The following LY96 variants were observed in gnomAD, a reference collection of about 807,000 sequenced individuals.
LY96 encodes the protein lymphocyte antigen 96.
Under a neutral mutation model 18.9 loss-of-function variants are expected in LY96, and 18 were observed. The observed-to-expected ratio is 0.95, with a 90% CI of 0.66 to 1.41. The LOEUF (loss-of-function observed/expected upper bound fraction) is 1.41. LY96 is among the 40% of genes most tolerant of loss of function. LY96 has a pLI of 0.00. For missense variants in LY96, 175 were observed against 182.4 expected, an observed-to-expected ratio of 0.96 and a Z score of 0.23; for synonymous variants, 66 against 62.6, an observed-to-expected ratio of 1.06 and a Z score of -0.26.
At chr8:74,023,602 T>A (rs1248741578) in intron 3 of LY96, among the ~76,000 whole-genome samples, 1 of 152,094 alleles carries the variant, frequency 6.6e-6, no homozygotes, top group Non-Finnish European at 1.5e-5. Context: ...GTTTCTGCAC[T>A]CACCTATGCT....
chr8:74,088,620 C>G, the LY96 span, among the ~76,000 whole-genome samples: 1 of 152,168 alleles, frequency 6.6e-6, no homozygotes, highest in African/African-American at 2.4e-5. Flanking sequence ...GAGTCTCACT[C>G]TGTCGTTCAG....
chr8:74,024,721 TATCTTTATCCTTACTGC>T (rs1352925844), intron 3 of LY96, among the ~76,000 whole-genome samples: 9 of 152,218 alleles, frequency 5.9e-5, no homozygotes, highest in African/African-American at 2.2e-4. Flanking sequence ...ACAAAGATGT[TATCTTTATCCTTACTGC>T]ATCTTTCTCA....
chr8:74,079,993 A>G, the LY96 span, among the ~76,000 whole-genome samples: 4 of 152,194 alleles, frequency 2.6e-5, no homozygotes, highest in Non-Finnish European at 5.9e-5. Flanking sequence ...GAATAAAAGG[A>G]AAAAGTAAGG....
the LY96 span, among the ~76,000 whole-genome samples, chr8:74,082,011 C>T: frequency 6.6e-6 from 1 of 152,190 alleles, no homozygotes; most frequent in South Asian, 2.1e-4. Context: ...CTTTACTCTT[C>T]CCTGGCCATT....
intron 3 of LY96, among the ~76,000 whole-genome samples, chr8:74,010,681 A>T (rs1017574675): frequency 1.6e-4 from 23 of 146,430 alleles, no homozygotes; most frequent in African/African-American, 5.3e-4. Context: ...AATGTATGTT[A>T]AAAAAAAAAG....
chr8:74,085,351 T>G, the LY96 span, among the ~76,000 whole-genome samples: 32 of 152,190 alleles, frequency 2.1e-4, no homozygotes, highest in Middle Eastern at 3.2e-3. Context: ...CTTTTCTGCC[T>G]TCTTGGTATA....
chr8:74,074,879 T>C, the LY96 span, among the ~76,000 whole-genome samples: 1 of 152,378 alleles, frequency 6.6e-6, no homozygotes, highest in South Asian at 2.1e-4. Context: ...TTTTGAATGT[T>C]TTAAGACTTG....
intron 1 of LY96, among the ~76,000 whole-genome samples, chr8:73,998,125 G>A (rs1025301362): frequency 3.9e-5 from 6 of 152,072 alleles, no homozygotes; most frequent in African/African-American, 1.4e-4. Context: ...CCCACCAAAA[G>A]TTACCATTAG....
In LY96 at chr8:74,002,093, T is replaced by TTCTTTCTTTCTCTC. The variant is rs1563710943; in HGVS notation, c.113-2700_113-2699insTTCTTTCTCTCTCT. On this transcript the variant is annotated intron_variant, in intron 1 of 4. Transcript: ENST00000284818. ...TTCCTTCCTTTCTTTCTTTCTTTCT[T>TTCTTTCTTTCTCTC]TCTCTCTCTCTCTCTCTCTCTCTCT... is the stretch of plus-strand genomic sequence containing the variant. Among the ~76,000 whole-genome samples the TTCTTTCTTTCTCTC allele has an allele frequency of 4.6e-4, 18 of 38,726 alleles. 2 individuals carry two copies. The highest frequency in any genetic ancestry group is 2.7e-3 in the South Asian group (2 of 746). The allele number at this position is 38,726 out of a possible 152,430, so 25.4% of individuals were successfully genotyped here. A position where few individuals can be genotyped will look rare whatever the true frequency, so the allele number is the denominator to read the frequency against.
chr8:74,045,860 C>T, the LY96 span, among the ~76,000 whole-genome samples: 1 of 152,160 alleles, frequency 6.6e-6, no homozygotes, highest in African/African-American at 2.4e-5. Flanking sequence ...CTGGGCTCCC[C>T]ATTGCTGGAC....
At chr8:74,007,786 G>A (rs1267022353) in intron 2 of LY96, among the ~76,000 whole-genome samples, 1 of 152,016 alleles carries the variant, frequency 6.6e-6, no homozygotes, top group Non-Finnish European at 1.5e-5. Context: ...TTGAGATGGA[G>A]TCTCACTCTG....
the LY96 span, among the ~76,000 whole-genome samples, chr8:74,049,995 G>GTC: frequency 1.3e-5 from 2 of 152,038 alleles, no homozygotes; most frequent in African/African-American, 4.8e-5. Context: ...TCCAGCCTGG[G>GTC]CAACAGAGCA....
At chr8:74,070,927 G>C in the LY96 span, among the ~76,000 whole-genome samples, 1 of 152,054 alleles carries the variant, frequency 6.6e-6, no homozygotes, top group African/African-American at 2.4e-5. Context: ...CATATTGCTA[G>C]AAATGATAAT....
At chr8:74,067,932 A>G in the LY96 span, among the ~76,000 whole-genome samples, 1 of 151,492 alleles carries the variant, frequency 6.6e-6, no homozygotes, top group Non-Finnish European at 1.5e-5. Flanking sequence ...ATGGTGGCAC[A>G]TGTCTGTAAT....
chr8:74,003,388 G>A (rs969626786), intron 1 of LY96, among the ~76,000 whole-genome samples: 4 of 152,176 alleles, frequency 2.6e-5, no homozygotes, highest in Admixed American at 2.6e-4. Flanking sequence ...AGGATATAGA[G>A]GCAGAACAAT....
At chr8:74,031,384 T>C (rs1816966930), downstream of LY96, among the ~76,000 whole-genome samples, 1 of 152,196 alleles carries the variant, frequency 6.6e-6, no homozygotes, top group East Asian at 1.9e-4. Context: ...TCCCAGCACT[T>C]TGGGAATCCA....
At chr8:73,996,770 G>A (rs1040876870) in intron 1 of LY96, among the ~76,000 whole-genome samples, 4 of 151,242 alleles carry the variant, frequency 2.6e-5, no homozygotes, top group Non-Finnish European at 5.9e-5. Context: ...TTTGAGATGG[G>A]GTCTTGCTCT....
chr8:74,011,657 G>A (rs1362446623), intron 3 of LY96, among the ~76,000 whole-genome samples: 2 of 152,096 alleles, frequency 1.3e-5, no homozygotes, highest in African/African-American at 4.8e-5. Context: ...TCAGGAGTTC[G>A]AGACCAGCCT....
the LY96 span, among the ~76,000 whole-genome samples, chr8:74,098,408 C>A: frequency 3.3e-5 from 5 of 152,162 alleles, no homozygotes; most frequent in African/African-American, 1.2e-4. Context: ...CAGAGTCTTA[C>A]TCTGTCACCC....
Sources: gnomAD v4.1 joint callset for allele counts (sites outside exome capture counted in the v4.1 genomes callset) on GRCh38, gnomAD v4.1.1 for gene constraint, MANE v1.5 for transcripts, NCBI Gene and HGNC (gene_info 2026-07-23, HGNC 2026-07-21) for gene names.